ANKRD55: variants seen among roughly 807,000 people sequenced by gnomAD.
ANKRD55 encodes ankyrin repeat domain-containing protein 55.
ANKRD55 carries 41 observed loss-of-function variants against 60.6 expected under a neutral mutation model. That is an observed-to-expected ratio of 0.68 (90% CI 0.53 to 0.88). The LOEUF (loss-of-function observed/expected upper bound fraction) is 0.88, where lower values mean the gene tolerates loss of function less well. Ranked by LOEUF, ANKRD55 falls within the 40% of genes least tolerant of loss-of-function variation. The pLI is 0.00. For synonymous variants in ANKRD55, 264 were observed against 290.3 expected (o/e 0.91, Z 0.92); for missense variants, 732 against 767.6 (o/e 0.95, Z 0.55).
intron 9 of ANKRD55, 60 bp downstream of exon 9, chr5:56,116,555 C>T: frequency 7.4e-7 from 1 of 1,360,442 alleles, no homozygotes; most frequent in Non-Finnish European, 9.6e-7. Context: ...TAAAACATTT[C>T]ATCCAAATTT....
At chr5:56,178,905 G>A (rs1015903933) in intron 3 of ANKRD55, among the ~76,000 whole-genome samples, 1 of 119,894 alleles carries the variant, frequency 8.3e-6, no homozygotes, top group Non-Finnish European at 1.6e-5. Context: ...AATGCCAGGT[G>A]TTGTCAAGGA....
At chr5:56,219,150 G>A (rs1384137889) in intron 2 of ANKRD55, among the ~76,000 whole-genome samples, 2 of 151,548 alleles carry the variant, frequency 1.3e-5, no homozygotes, top group Non-Finnish European at 2.9e-5. Context: ...GCAGGCACCT[G>A]TAATCCCAGC....
chr5:56,165,643 T>C (rs1758428781), intron 5 of ANKRD55, among the ~76,000 whole-genome samples: 1 of 152,142 alleles, frequency 6.6e-6, no homozygotes, highest in African/African-American at 2.4e-5. Context: ...TAATAGTACT[T>C]ACTTCGCCAG....
chr5:56,221,735 G>A (rs1242844993), intron 2 of ANKRD55, among the ~76,000 whole-genome samples: 1 of 152,258 alleles, frequency 6.6e-6, no homozygotes, highest in Non-Finnish European at 1.5e-5. Flanking sequence ...TGCCCACGGA[G>A]CCTTGCTCAC....
intron 4 of ANKRD55, among the ~76,000 whole-genome samples, chr5:56,175,085 T>A (rs536271999): frequency 2.0e-5 from 3 of 152,226 alleles, no homozygotes; most frequent in Non-Finnish European, 4.4e-5. Flanking sequence ...AGTTTGAAAA[T>A]TTCTTCCCAG....
chr5:56,214,680 T>C (rs1759760130), intron 2 of ANKRD55, among the ~76,000 whole-genome samples: 1 of 151,844 alleles, frequency 6.6e-6, no homozygotes, highest in Non-Finnish European at 1.5e-5. Context: ...TCTTCACATA[T>C]AAACAGTGAA....
intron 4 of ANKRD55, among the ~76,000 whole-genome samples, chr5:56,174,684 T>C (rs1247123384): frequency 6.6e-6 from 1 of 151,980 alleles, no homozygotes; most frequent in East Asian, 1.9e-4. Context: ...ATACAAAAAT[T>C]AGCTGGGTGT....
intron 8 of ANKRD55, among the ~76,000 whole-genome samples, chr5:56,121,134 C>T (rs532173176): frequency 2.2e-4 from 34 of 152,072 alleles, no homozygotes; most frequent in Non-Finnish European, 4.3e-4. Context: ...GGACAGAAGA[C>T]GAGGGGCCAT....
chr5:56,106,420 C>CTTTTTTTTTTTTTTTTTTTTTTTTTT lies in ANKRD55; in HGVS notation c.1631-3835_1631-3834insAAAAAAAAAAAAAAAAAAAAAAAAAA, dbSNP rs71602938. Among the ~76,000 whole-genome samples the CTTTTTTTTTTTTTTTTTTTTTTTTTT allele has an allele frequency of 3.3e-4, 32 of 96,920 alleles. 5 individuals carry two copies. Among genetic ancestry groups the CTTTTTTTTTTTTTTTTTTTTTTTTTT allele is most frequent in the African/African-American group, 1.5e-3 (26 of 17,140 alleles). 63.6% of individuals were successfully genotyped at this position (96,920 alleles called of 152,430 possible). ...AATAAAATCCGTAAGGCTAGGAAAG[C>CTTTTTTTTTTTTTTTTTTTTTTTTTT]TTTTTTTTTTTTTTTTTTTTTTTGA... is the stretch of plus-strand genomic sequence containing the variant. On this transcript the variant is annotated intron_variant, in intron 10 of 11. Coordinates refer to ENST00000341048, the MANE Select transcript of ANKRD55 (RefSeq NM_024669.3).
chr5:56,119,009 T>C (rs1414340743), intron 8 of ANKRD55, among the ~76,000 whole-genome samples: 1 of 152,216 alleles, frequency 6.6e-6, no homozygotes, highest in Non-Finnish European at 1.5e-5. Context: ...TGGAAAATAA[T>C]TTAGCAGTTC....
chr5:56,112,310 C>T (rs1756736805), intron 9 of ANKRD55, among the ~76,000 whole-genome samples: 1 of 151,790 alleles, frequency 6.6e-6, no homozygotes, highest in African/African-American at 2.4e-5. Flanking sequence ...CTGACATTAT[C>T]CCCCTCAGAG....
intron 2 of ANKRD55, among the ~76,000 whole-genome samples, chr5:56,188,602 C>T (rs376349439): frequency 6.0e-4 from 92 of 152,074 alleles, no homozygotes; most frequent in Admixed American, 1.6e-3. Flanking sequence ...TGTCTTGGTG[C>T]CTTTGTTAAA....
chr5:56,200,335 T>C (rs1332733854), intron 2 of ANKRD55, among the ~76,000 whole-genome samples: 1 of 152,084 alleles, frequency 6.6e-6, no homozygotes, highest in African/African-American at 2.4e-5. Context: ...AAGACATAGG[T>C]ATGTATTTTA....
chr5:56,232,061 T>C (rs1369346598), intron 2 of ANKRD55, among the ~76,000 whole-genome samples: 1 of 152,170 alleles, frequency 6.6e-6, no homozygotes, highest in African/African-American at 2.4e-5. Context: ...TTCTAAAAAA[T>C]ATTTATTATG....
intron 10 of ANKRD55, among the ~76,000 whole-genome samples, chr5:56,103,250 G>A (rs936153614): frequency 2.4e-4 from 36 of 152,206 alleles, no homozygotes; most frequent in Non-Finnish European, 8.8e-5. Context: ...AGAGCTGATG[G>A]TTACATTTTC....
At chr5:56,147,307 C>T (rs942537848) in intron 6 of ANKRD55, among the ~76,000 whole-genome samples, 1 of 152,150 alleles carries the variant, frequency 6.6e-6, no homozygotes, top group African/African-American at 2.4e-5. Flanking sequence ...ATGTTCTTTC[C>T]ACACATCATG....
intron 3 of ANKRD55, among the ~76,000 whole-genome samples, chr5:56,182,834 T>C (rs373209975): frequency 6.6e-6 from 1 of 152,230 alleles, no homozygotes; most frequent in East Asian, 1.9e-4. Flanking sequence ...TGGAGCCCCA[T>C]GGCTTTTTGT....
In ANKRD55 at chr5:56,223,048, T is replaced by C. The variant is rs1760010347; in HGVS notation, c.58+9808A>G. The stretch of plus-strand genomic sequence containing the variant: ...AGAAGACCAACTCCAAGACACATAA[T>C]TGTCAGATTCACCAAAGTTGAAATG... On this transcript the variant is annotated intron_variant, in intron 2 of 11. Coordinates refer to ENST00000341048, the MANE Select transcript of ANKRD55 (RefSeq NM_024669.3). Among the ~76,000 whole-genome samples, 4 of 152,032 alleles carry C rather than the reference T, an allele frequency of 2.6e-5. No homozygotes were observed. The South Asian group carries it at 8.3e-4, about 32-fold the overall frequency.
At chr5:56,198,362 C>T (rs143837307) in intron 2 of ANKRD55, among the ~76,000 whole-genome samples, 1 of 151,762 alleles carries the variant, frequency 6.6e-6, no homozygotes, top group African/African-American at 2.4e-5. Context: ...CTTGGCTCAC[C>T]GCAACCTCTG....
Sources: allele counts gnomAD v4.1 joint callset (sites outside exome capture counted in the v4.1 genomes callset), GRCh38; gene constraint gnomAD v4.1.1; transcripts MANE v1.5; gene names NCBI Gene and HGNC (gene_info 2026-07-23, HGNC 2026-07-21).